The following WWOX variants were observed in gnomAD, a reference collection of about 807,000 sequenced individuals.
WWOX encodes WW domain-containing oxidoreductase.
In WWOX, 69 loss-of-function variants were observed where a neutral mutation model predicts 46.2. That is an observed-to-expected ratio of 1.49 (90% CI 1.23 to 1.82). WWOX has a LOEUF of 1.82. Ranked by LOEUF, WWOX falls within the 40% of genes most tolerant of loss-of-function variation. The pLI, the probability that WWOX is intolerant of heterozygous loss-of-function variation, is 0.00. For missense variants in WWOX, 919 were observed against 542.6 expected (o/e 1.69, Z -6.89); for synonymous variants, 359 against 202.6 (o/e 1.77, Z -6.56).
chr16:78,407,680 C>T (rs560247301), intron 6 of WWOX, among the ~76,000 whole-genome samples: 4 of 152,286 alleles, frequency 2.6e-5, no homozygotes, highest in South Asian at 2.1e-4. Context: ...TCTTGATCAA[C>T]TAGAACCACA....
intron 8 of WWOX, among the ~76,000 whole-genome samples, chr16:78,810,232 A>G (rs1183775162): frequency 2.0e-5 from 3 of 152,196 alleles, no homozygotes; most frequent in East Asian, 1.9e-4. Context: ...AAACATTTCT[A>G]TCAGAACACA....
In WWOX at chr16:78,461,679, A is replaced by G. The variant is rs554889798; in HGVS notation, c.1056+28927A>G. ...CACAGGTCACGCCTGAATACCTTCA[A>G]TGTGCCCCATGTAAAAATACACTGC... On this transcript the variant is annotated intron_variant, in intron 8 of 8. Transcript: ENST00000566780. Among the ~76,000 whole-genome samples the G allele has an allele frequency of 4.7e-3, 714 of 152,306 alleles. 9 individuals are homozygous for G. The highest frequency in any genetic ancestry group is 0.016 in the African/African-American group (680 of 41,560).
At chr16:78,803,002 G>T (rs927582617) in intron 8 of WWOX, among the ~76,000 whole-genome samples, 5 of 145,286 alleles carry the variant, frequency 3.4e-5, no homozygotes. Context: ...TTCATCACCA[G>T]GCCTGCCATG....
chr16:78,637,506 A>G (rs746993994), intron 8 of WWOX, among the ~76,000 whole-genome samples: 23 of 152,172 alleles, frequency 1.5e-4, no homozygotes, highest in Admixed American at 2.6e-4. Context: ...TACCCAGCCA[A>G]TGGTCCACAG....
At chr16:78,834,171 C>T (rs1287813614) in intron 8 of WWOX, among the ~76,000 whole-genome samples, 1 of 152,166 alleles carries the variant, frequency 6.6e-6, no homozygotes. Context: ...TAGGAACATT[C>T]CCTTCTTCTC....
chr16:79,119,039 A>T (rs1008166683), intron 8 of WWOX, among the ~76,000 whole-genome samples: 1 of 152,248 alleles, frequency 6.6e-6, no homozygotes, highest in Non-Finnish European at 1.5e-5. Flanking sequence ...ATAGATTCCC[A>T]GAAATGGAAT....
chr16:78,320,314 A>T (rs1343822606), intron 5 of WWOX, among the ~76,000 whole-genome samples: 2 of 152,130 alleles, frequency 1.3e-5, no homozygotes, highest in African/African-American at 4.8e-5. Context: ...TTTGTTTTTT[A>T]TCCCCTTCGG....
intron 8 of WWOX, among the ~76,000 whole-genome samples, chr16:78,893,271 C>G (rs144804440): frequency 5.3e-5 from 8 of 152,188 alleles, no homozygotes; most frequent in African/African-American, 1.9e-4. Context: ...TTTTTATCTG[C>G]CAACCTCCCA....
chr16:79,181,808 G>A (rs909933741), intron 8 of WWOX, among the ~76,000 whole-genome samples: 6 of 152,144 alleles, frequency 3.9e-5, no homozygotes, highest in Admixed American at 1.3e-4. Context: ...CAATCCCACT[G>A]CAGGTTTAGG....
intron 8 of WWOX, among the ~76,000 whole-genome samples, chr16:78,723,177 C>T (rs1317144141): frequency 6.6e-6 from 1 of 152,180 alleles, no homozygotes; most frequent in Non-Finnish European, 1.5e-5. Context: ...AGAACATTTC[C>T]CTCTGATTGT....
At chr16:78,899,168 C>T (rs372594392) in intron 8 of WWOX, 4 of 152,180 alleles carry the variant, frequency 2.6e-5, no homozygotes, top group African/African-American at 9.6e-5. Flanking sequence ...TTATTCAGGA[C>T]TTCTCTATTA....
At position 78,930,290 on chromosome 16, in the gene WWOX, T is replaced by TC. The variant is rs2045595506; in HGVS notation, c.1057-281318_1057-281317insC. Among the ~76,000 whole-genome samples the TC allele has an allele frequency of 8.7e-5, 8 of 91,662 alleles. No individual in the cohort carries two copies. In the South Asian group the frequency reaches 2.7e-3, roughly 31 times the overall value. 60.1% of individuals were successfully genotyped at this position (91,662 alleles called of 152,430 possible). A position where few individuals can be genotyped will look rare whatever the true frequency, so the allele number is the denominator to read the frequency against. ...TCCTTTCTCTCTTTCTTTTTTTATT[T>TC]TTTTTTTCAGACAGGGTCTCCTCCA... On this transcript the variant is annotated intron_variant, in intron 8 of 8. Transcript: ENST00000566780.
chr16:78,858,468 T>C lies in WWOX; in HGVS notation c.1057-353140T>C, dbSNP rs565144371. On this transcript the variant is annotated intron_variant, in intron 8 of 8. Transcript: ENST00000566780. Reference sequence around the variant, plus strand: ...GAAGAATAATACATGTATTATCATGTCTTTAAAAAAAAACTATACACATAG... The same window carrying C: ...GAAGAATAATACATGTATTATCATGCCTTTAAAAAAAAACTATACACATAG... Among the ~76,000 whole-genome samples, 138 of 152,158 alleles carry C rather than the reference T, an allele frequency of 9.1e-4. 1 individual carries two copies. The highest frequency in any genetic ancestry group is 3.1e-3 in the African/African-American group (130 of 41,544).
intron 5 of WWOX, among the ~76,000 whole-genome samples, chr16:78,191,910 T>C (rs1048454622): frequency 6.6e-6 from 1 of 152,202 alleles, no homozygotes; most frequent in African/African-American, 2.4e-5. Context: ...TTAATCTATT[T>C]TCATTACATT....
At chr16:79,191,348 G>A (rs562120420) in intron 8 of WWOX, among the ~76,000 whole-genome samples, 5 of 152,070 alleles carry the variant, frequency 3.3e-5, no homozygotes, top group South Asian at 2.1e-4. Context: ...GAGCCAGCGC[G>A]CCCAGCCCAT....
At chr16:78,139,470 C>A (rs1297961281) in intron 4 of WWOX, among the ~76,000 whole-genome samples, 1 of 152,190 alleles carries the variant, frequency 6.6e-6, no homozygotes, top group Middle Eastern at 3.4e-3. Context: ...ATGGTGAAAC[C>A]CCTTCTCTAC....
At chr16:78,680,974 C>G (rs930481465) in intron 8 of WWOX, among the ~76,000 whole-genome samples, 2 of 152,124 alleles carry the variant, frequency 1.3e-5, no homozygotes, top group Non-Finnish European at 1.5e-5. Context: ...TTAGGCCATA[C>G]TTAGTGGCTC....
intron 8 of WWOX, among the ~76,000 whole-genome samples, chr16:78,731,292 C>T (rs2048963349): frequency 6.6e-6 from 1 of 152,222 alleles, no homozygotes; most frequent in East Asian, 1.9e-4. Context: ...AGCACAGAGG[C>T]ACGCTCACAT....
At chr16:78,510,751 G>A (rs2085341594) in intron 8 of WWOX, among the ~76,000 whole-genome samples, 1 of 152,212 alleles carries the variant, frequency 6.6e-6, no homozygotes, top group Non-Finnish European at 1.5e-5. Flanking sequence ...AAACATATGT[G>A]TGTATATTCA....
Sources: gnomAD v4.1 joint callset for allele counts (sites outside exome capture counted in the v4.1 genomes callset) on GRCh38, gnomAD v4.1.1 for gene constraint, MANE v1.5 for transcripts, NCBI Gene and HGNC (gene_info 2026-07-23, HGNC 2026-07-21) for gene names.